The following SLC14A2 variants were observed in gnomAD, a reference collection of about 807,000 sequenced individuals.
SLC14A2 encodes urea transporter 2.
SLC14A2 carries 91 observed loss-of-function variants against 104.6 expected under a neutral mutation model. The observed-to-expected ratio is 0.87, with a 90% confidence interval of 0.73 to 1.04. SLC14A2 has a LOEUF of 1.04. Ranked by LOEUF, SLC14A2 falls within the 50% of genes least tolerant of loss-of-function variation. The pLI is 0.00. For synonymous variants in SLC14A2, 476 were observed against 466.4 expected (o/e 1.02, Z -0.27); for missense variants, 1,189 against 1,156.0 (o/e 1.03, Z -0.41).
At chr18:45,462,788 T>C (rs1054221206) in intron 1 of SLC14A2, among the ~76,000 whole-genome samples, 1 of 152,186 alleles carries the variant, frequency 6.6e-6, no homozygotes, top group Admixed American at 6.5e-5. Context: ...TGTTTTGTTT[T>C]AACATCTTTG....
intron 2 of SLC14A2, among the ~76,000 whole-genome samples, chr18:45,483,998 T>C (rs1046537219): frequency 1.3e-5 from 2 of 152,188 alleles, no homozygotes; most frequent in African/African-American, 2.4e-5. Context: ...CTCTTTTCAT[T>C]GGGATCTATA....
At chr18:45,614,499 A>G (rs1056621685), upstream of SLC14A2, among the ~76,000 whole-genome samples, 1 of 152,228 alleles carries the variant, frequency 6.6e-6, no homozygotes, top group African/African-American at 2.4e-5. Flanking sequence ...AGAGCCACAG[A>G]CACTCAACAC....
chr18:45,622,549 A>G (rs935750401), intron 1 of SLC14A2, among the ~76,000 whole-genome samples: 2 of 152,314 alleles, frequency 1.3e-5, no homozygotes, highest in South Asian at 4.1e-4. Flanking sequence ...GGGAGATGGA[A>G]TACGAAGCCA....
chr18:45,548,038 G>T (rs1393621273), intron 2 of SLC14A2, among the ~76,000 whole-genome samples: 1 of 152,182 alleles, frequency 6.6e-6, no homozygotes, highest in African/African-American at 2.4e-5. Context: ...ACATTCCAAG[G>T]GCCCAGCCTG....
chr18:45,205,759 C>G, the SLC14A2 span, among the ~76,000 whole-genome samples: 1 of 152,158 alleles, frequency 6.6e-6, no homozygotes. Flanking sequence ...ACAGAATGGT[C>G]CCTGGCTGGA....
intron 1 of SLC14A2, among the ~76,000 whole-genome samples, chr18:45,261,618 C>T (rs1198519437): frequency 1.3e-5 from 2 of 151,510 alleles, no homozygotes; most frequent in Non-Finnish European, 2.9e-5. Context: ...TCCATGTGTT[C>T]TCATTGTTCA....
intron 13 of SLC14A2, 59 bp downstream of exon 13, chr18:45,667,153 C>G: frequency 7.0e-7 from 1 of 1,430,174 alleles, no homozygotes; most frequent in Non-Finnish European, 9.6e-7. Context: ...CCACCCATCC[C>G]CAGGAAACCC....
At chr18:45,287,620 G>A (rs1460432295) in intron 1 of SLC14A2, among the ~76,000 whole-genome samples, 1 of 152,214 alleles carries the variant, frequency 6.6e-6, no homozygotes, top group Non-Finnish European at 1.5e-5. Flanking sequence ...AGGCCACAGA[G>A]TGGGCATGAA....
intron 4 of SLC14A2, among the ~76,000 whole-genome samples, chr18:45,629,022 G>A (rs2045304158): frequency 6.6e-6 from 1 of 152,206 alleles, no homozygotes; most frequent in Admixed American, 6.5e-5. Flanking sequence ...GCCAGTGGGT[G>A]GCAGGACTTA....
the SLC14A2 span, among the ~76,000 whole-genome samples, chr18:45,186,509 T>C: frequency 6.6e-6 from 1 of 152,202 alleles, no homozygotes; most frequent in Non-Finnish European, 1.5e-5. Flanking sequence ...AGGGGAAAAC[T>C]CTAGAGACTT....
At chr18:45,538,586 G>A (rs1253919672) in intron 2 of SLC14A2, among the ~76,000 whole-genome samples, 2 of 152,180 alleles carry the variant, frequency 1.3e-5, no homozygotes, top group Admixed American at 6.5e-5. Context: ...ATAACAGCTT[G>A]CTTCCTCCAG....
the SLC14A2 span, among the ~76,000 whole-genome samples, chr18:45,187,071 G>C: frequency 6.6e-6 from 1 of 152,110 alleles, no homozygotes; most frequent in Admixed American, 6.6e-5. Context: ...AGCAAAGCCT[G>C]GGTGCTTTTA....
rs117125462 is a variant in SLC14A2 at position 45,278,720 on chromosome 18, T to C, written c.-125+65529T>C. ...TATACTTGGATTTCACATCCACAAA[T>C]ACTATATTTTCAATAGTGTCTAGTT... On this transcript the variant is annotated intron_variant, in intron 1 of 20. Transcript: ENST00000586448. Among the ~76,000 whole-genome samples, 156 of 152,228 alleles carry C rather than the reference T, an allele frequency of 1.0e-3. 1 individual carries two copies. In the East Asian group the frequency reaches 0.026, roughly 26 times the overall value.
In SLC14A2 at chr18:45,284,468, C is replaced by G. The variant is rs79132633; in HGVS notation, c.-125+71277C>G. On this transcript the variant is annotated intron_variant, in intron 1 of 20. Transcript: ENST00000586448. ...CTCCTTCATGCTCTAGGTCTCTACT[C>G]CATGCCCCCTCCACCCTGCCCTGGG... 6.2e-3 allele frequency among the ~76,000 whole-genome samples: 946 copies of G among 152,234 alleles called. 7 individuals carry two copies. The highest frequency in any genetic ancestry group is 9.8e-3 in the Non-Finnish European group (666 of 68,012).
intron 6 of SLC14A2, 97 bp downstream of exon 6, chr18:45,637,279 A>G (rs2045434475): frequency 2.1e-6 from 2 of 945,952 alleles, no homozygotes; most frequent in South Asian, 3.2e-5. Flanking sequence ...CAACTTCTCT[A>G]GAAACATCTA....
chr18:45,374,623 C>T (rs1287464113), intron 1 of SLC14A2, among the ~76,000 whole-genome samples: 1 of 151,120 alleles, frequency 6.6e-6, no homozygotes, highest in Non-Finnish European at 1.5e-5. Flanking sequence ...CTATTAGAGG[C>T]AAAACTAAGA....
chr18:45,479,413 G>T (rs1356535315), intron 1 of SLC14A2, among the ~76,000 whole-genome samples: 1 of 152,138 alleles, frequency 6.6e-6, no homozygotes, highest in African/African-American at 2.4e-5. Flanking sequence ...GTCCTCAAAA[G>T]AACTTTAACA....
chr18:45,498,820 G>T (rs2144753209), intron 2 of SLC14A2, among the ~76,000 whole-genome samples: 1 of 152,260 alleles, frequency 6.6e-6, no homozygotes, highest in East Asian at 1.9e-4. Flanking sequence ...TAATTGCCAG[G>T]TTGTAAAGAA....
chr18:45,639,853 C>T lies in SLC14A2; in HGVS notation c.951C>T (p.Cys317=). The T allele has an allele frequency of 1.9e-6, 3 of 1,613,838 alleles. No homozygotes were observed. Among genetic ancestry groups the T allele is most frequent in the Middle Eastern group, 3.3e-4 (2 of 6,062 alleles). ...VALFISSPLI[C]LHAAIGSIVG... is the part of the protein sequence containing the mutation. Reference sequence around the variant, plus strand: ...TGTTCATCTCCTCGCCACTCATCTGCTTGCATGCAGCCATTGGCTCAATCG... The same window carrying T: ...TGTTCATCTCCTCGCCACTCATCTGTTTGCATGCAGCCATTGGCTCAATCG... Residue 317 remains cysteine (C), a synonymous_variant, in exon 7 of 20, where the codon TGC becomes TGT. Coordinates refer to ENST00000255226, the MANE Select transcript of SLC14A2 (RefSeq NM_007163.4).
Sources: gnomAD v4.1 joint callset for allele counts (sites outside exome capture counted in the v4.1 genomes callset) on GRCh38, gnomAD v4.1.1 for gene constraint, MANE v1.5 for transcripts, NCBI Gene and HGNC (gene_info 2026-07-23, HGNC 2026-07-21) for gene names.